CAPN15: variants seen among roughly 807,000 people sequenced by gnomAD.
The protein encoded by CAPN15 is calpain-15.
In CAPN15, 53 loss-of-function variants were observed where a neutral mutation model predicts 97.9. The observed-to-expected ratio is 0.54, with a 90% confidence interval of 0.43 to 0.68. The LOEUF is 0.68. Ranked by LOEUF, CAPN15 falls within the 30% of genes least tolerant of loss-of-function variation. The pLI is 0.00. For missense variants in CAPN15, 1,592 were observed against 1,589.8 expected, an observed-to-expected ratio of 1.00 and a Z score of -0.02; for synonymous variants, 922 against 722.5, an observed-to-expected ratio of 1.28 and a Z score of -4.43.
At chr16:540,239 G>C in intron 3 of CAPN15, 5 of 985,498 alleles carry the variant, frequency 5.1e-6, no homozygotes, top group Non-Finnish European at 4.8e-6. Flanking sequence ...TCGGACCACA[G>C]CTTCCCCGGG....
intron 3 of CAPN15, chr16:538,431 G>A (rs2033878886): frequency 6.6e-6 from 1 of 152,248 alleles, no homozygotes; most frequent in Non-Finnish European, 1.5e-5. Flanking sequence ...TTCTGCCTAC[G>A]GGGCAGGCCT....
At chr16:539,595 G>T (rs1467115282) in intron 3 of CAPN15, 1 of 152,300 alleles carries the variant, frequency 6.6e-6, no homozygotes, top group African/African-American at 2.4e-5. Context: ...GCCTCACAGG[G>T]TCCTTGTTTC....
rs2034394709 is a variant in CAPN15, at chr16:544,536, C to T, written c.-22-2281C>T. Reference sequence around the variant, plus strand: ...TTCAGGGCGGGCTCTGTCTTGCACGCAGCGAGCGGCTTCATCACCTCCCTT... The same window carrying T: ...TTCAGGGCGGGCTCTGTCTTGCACGTAGCGAGCGGCTTCATCACCTCCCTT... On this transcript the variant is annotated intron_variant, in intron 3 of 13. Coordinates refer to ENST00000219611, the MANE Select transcript of CAPN15 (RefSeq NM_005632.3). Among the ~76,000 whole-genome samples the T allele has an allele frequency of 2.0e-5, 3 of 152,162 alleles. 1 individual carries two copies. In the South Asian group the frequency reaches 6.2e-4, roughly 32 times the overall value.
intron 7 of CAPN15, among the ~76,000 whole-genome samples, chr16:550,826 T>TCCCCGGTCGGTGAGG (rs2034972933): frequency 5.2e-4 from 11 of 21,084 alleles, no homozygotes; most frequent in Admixed American, 6.2e-4. Flanking sequence ...TCGGTGAGGG[T>TCCCCGGTCGGTGAGG]GCCCCGTCGG....
intron 7 of CAPN15, among the ~76,000 whole-genome samples, chr16:550,097 G>C (rs1219967313): frequency 7.6e-6 from 1 of 131,686 alleles, no homozygotes; most frequent in Non-Finnish European, 1.5e-5. Flanking sequence ...CCCGGAGCAG[G>C]TGTGAGCGGC....
chr16:533,460 G>A (rs1246248594), intron 1 of CAPN15, among the ~76,000 whole-genome samples: 5 of 152,162 alleles, frequency 3.3e-5, no homozygotes, highest in Admixed American at 3.3e-4. Flanking sequence ...TGGGGTCCGG[G>A]GGAGTCTAGG....
chr16:538,879 C>A (rs530861958), intron 3 of CAPN15: 1 of 151,854 alleles, frequency 6.6e-6, no homozygotes, highest in Non-Finnish European at 1.5e-5. Flanking sequence ...ACCCCCACCC[C>A]CCCCAGCCCG....
At chr16:533,575 C>T (rs777266608) in intron 1 of CAPN15, among the ~76,000 whole-genome samples, 18 of 152,284 alleles carry the variant, frequency 1.2e-4, no homozygotes, top group South Asian at 4.1e-4. Flanking sequence ...TCTGCAGCCC[C>T]GCTCATGGAC....
rs747881508 is a variant in CAPN15 at position 546,934 on chromosome 16, G to A, written c.96G>A (p.Lys32=). ...CCATCTGCGAGGCTCCCCGGCACAA[G>A]CCCGACCTCAACCACATCCTGCGGC... ...QCSICEAPRH[K]PDLNHILRLS... Residue 32 remains lysine (K), a synonymous_variant, in exon 4 of 14, where the codon AAG becomes AAA. Coordinates refer to ENST00000219611, the MANE Select transcript of CAPN15 (RefSeq NM_005632.3). 13 of 1,610,762 alleles carry A rather than the reference G, an allele frequency of 8.1e-6. No homozygotes were observed. In the Admixed American group the frequency reaches 2.2e-4, roughly 27 times the overall value.
In CAPN15 at chr16:552,417, C is replaced by A; in HGVS notation, c.2624C>A (p.Ala875Glu). The A allele has an allele frequency of 1.2e-6, 2 of 1,609,668 alleles. No individual in the cohort carries two copies. Among genetic ancestry groups the A allele is most frequent in the Non-Finnish European group, 1.7e-6 (2 of 1,179,586 alleles). Residue 875 changes from alanine to glutamate, a missense_variant, in exon 11 of 14, where the codon GCG (alanine) becomes GAG (glutamate). By Grantham distance (107) the Ala-to-Glu change is moderately radical. This residue lies in a region of CAPN15 where 644 missense variants were observed against 699.6 expected (regional missense o/e 0.92). Coordinates refer to ENST00000219611, the MANE Select transcript of CAPN15 (RefSeq NM_005632.3). This position sits in a 1 kb window ranked among gnomAD's most constrained non-coding sequence, Gnocchi z 6.4. ...CGCCTCCTGGCCCACAGTAAGCGCG[C>A]GGTCAAGAAGTTCGTCAGCTGCGAC... is the stretch of plus-strand genomic sequence containing the variant. ...LGRLLAHSKR[A>E]VKKFVSCDVM... is the part of the protein sequence containing the mutation.
chr16:552,882 G>A lies in CAPN15; in HGVS notation c.2924G>A (p.Cys975Tyr). 6.2e-7 allele frequency: 1 copy of A among 1,608,256 alleles called. No homozygotes were observed. Among genetic ancestry groups the A allele is most frequent in the Non-Finnish European group, 8.5e-7 (1 of 1,177,250 alleles). ...GCCCAGGGCCGTGAGGGCATGACCTGCTACTACCTGACACACGGTTGGGCG... is the reference window on the plus strand; with the variant it reads ...GCCCAGGGCCGTGAGGGCATGACCTACTACTACCTGACACACGGTTGGGCG... ...ERHEGREGMT[C>Y]YYLTHGWAGL... The change falls in exon 13 of 14, where the codon TGC (cysteine) becomes TAC (tyrosine). Residue 975 changes from cysteine to tyrosine, a missense_variant. Physicochemically the swap from Cys to Tyr is radical, Grantham distance 194 (BLOSUM62 -2). Transcript: ENST00000219611. This position sits in a 1 kb window ranked among gnomAD's most constrained non-coding sequence, Gnocchi z 6.4.
intron 1 of CAPN15, among the ~76,000 whole-genome samples, chr16:532,843 ACT>A (rs1048644460): frequency 1.5e-5 from 2 of 137,930 alleles, no homozygotes; most frequent in African/African-American, 5.5e-5. Context: ...ACAGAGCGAG[ACT>A]CTGTCAGAGA....
At position 552,028 on chromosome 16, in the gene CAPN15, C is replaced by T. The variant is rs1338083442; in HGVS notation, c.2346-23C>T. 1 of 1,545,820 alleles carries T rather than the reference C, an allele frequency of 6.5e-7. No homozygotes were observed. Among genetic ancestry groups the T allele is most frequent in the East Asian group, 2.4e-5 (1 of 40,828 alleles). On this transcript the variant is annotated intron_variant, in intron 9 of 13. Coordinates refer to ENST00000219611, the MANE Select transcript of CAPN15 (RefSeq NM_005632.3). The surrounding 1 kb of genome is among the most constrained non-coding windows in gnomAD (Gnocchi z 6.4). ...GGTGTGGGCCGTGGTAGGCTCAGGG[C>T]CCCGTCCTCCCGCCACCTGCAGGTA...
At chr16:534,733 T>C (rs967318864) in intron 2 of CAPN15, among the ~76,000 whole-genome samples, 6 of 151,898 alleles carry the variant, frequency 4.0e-5, no homozygotes, top group African/African-American at 1.5e-4. Context: ...CGCAGTGGGG[T>C]TGCCGTGGGG....
intron 3 of CAPN15, chr16:539,517 C>A (rs368921897): frequency 2.9e-4 from 44 of 152,422 alleles, no homozygotes; most frequent in African/African-American, 9.9e-4. Flanking sequence ...TCCCAGGCCT[C>A]CCAGCAGGGG....
rs773019354 is a variant in CAPN15 at position 552,565 on chromosome 16, C to T, written c.2737+35C>T. The T allele has an allele frequency of 6.4e-7, 1 of 1,568,702 alleles. No homozygotes were observed. The highest frequency in any genetic ancestry group is 1.1e-5 in the South Asian group (1 of 88,048). Reference sequence around the variant, plus strand: ...CCCTACCCCAGGCTCATGCCCCAGGCCCACGGGGAGGGCTGCGGTTCACAC... The same window carrying T: ...CCCTACCCCAGGCTCATGCCCCAGGTCCACGGGGAGGGCTGCGGTTCACAC... On this transcript the variant is annotated intron_variant, in intron 11 of 13. Coordinates refer to ENST00000219611, the MANE Select transcript of CAPN15 (RefSeq NM_005632.3). The surrounding 1 kb of genome is among the most constrained non-coding windows in gnomAD (Gnocchi z 6.4).
At chr16:542,792 G>A (rs1259803741) in intron 3 of CAPN15, among the ~76,000 whole-genome samples, 2 of 152,062 alleles carry the variant, frequency 1.3e-5, no homozygotes, top group East Asian at 1.9e-4. Flanking sequence ...AGTAGCTCAC[G>A]CCTGTAATCC....
At chr16:548,740 A>C (rs1010492343) in intron 4 of CAPN15, among the ~76,000 whole-genome samples, 3 of 152,196 alleles carry the variant, frequency 2.0e-5, no homozygotes, top group African/African-American at 7.2e-5. Context: ...GCTGCCACCC[A>C]CTGGGGGCTG....
chr16:544,276 C>T (rs1219404192), intron 3 of CAPN15, among the ~76,000 whole-genome samples: 3 of 152,016 alleles, frequency 2.0e-5, no homozygotes, highest in Non-Finnish European at 2.9e-5. Flanking sequence ...TCTGGCACCC[C>T]GGTGTGCCCC....
Sources: allele counts gnomAD v4.1 joint callset (sites outside exome capture counted in the v4.1 genomes callset), GRCh38; gene constraint gnomAD v4.1.1; regional missense constraint gnomAD v4.1.1; non-coding constraint Gnocchi (gnomAD v3.1); transcripts MANE v1.5; gene names NCBI Gene and HGNC (gene_info 2026-07-23, HGNC 2026-07-21).